Variants in CADM2 observed in about 807,000 individuals in gnomAD.
The protein encoded by CADM2 is cell adhesion molecule 2.
Under a neutral mutation model 49.8 loss-of-function variants are expected in CADM2, and 12 were observed. The ratio of observed to expected loss-of-function variants is 0.24; its 90% CI spans 0.15 to 0.39. The LOEUF is 0.39. Ranked by LOEUF, CADM2 falls within the 10% of genes least tolerant of loss-of-function variation. The pLI, the probability that CADM2 is intolerant of heterozygous loss-of-function variation, is 1.00. For synonymous variants in CADM2, 214 were observed against 175.4 expected (o/e 1.22, Z -1.74); for missense variants, 378 against 492.3 (o/e 0.77, Z 2.20).
intron 1 of CADM2, among the ~76,000 whole-genome samples, chr3:85,389,212 C>T (rs1165424908): frequency 6.6e-6 from 1 of 152,062 alleles, no homozygotes; most frequent in Non-Finnish European, 1.5e-5. Flanking sequence ...TTTGCACCCA[C>T]AATTTTGCTT....
chr3:85,071,600 C>T (rs2036746968), intron 1 of CADM2, among the ~76,000 whole-genome samples: 1 of 151,938 alleles, frequency 6.6e-6, no homozygotes, highest in African/African-American at 2.4e-5. Flanking sequence ...CATAGGTGGT[C>T]TTGAGTTTGT....
At chr3:85,952,184 T>C (rs564081558) in intron 7 of CADM2, among the ~76,000 whole-genome samples, 1 of 150,944 alleles carries the variant, frequency 6.6e-6, no homozygotes, top group East Asian at 2.0e-4. Context: ...ATCAGAGAAC[T>C]GAGAAGTCAA....
chr3:85,632,902 C>G (rs2064355544), intron 1 of CADM2, among the ~76,000 whole-genome samples: 1 of 151,772 alleles, frequency 6.6e-6, no homozygotes, highest in Admixed American at 6.6e-5. Flanking sequence ...AGATTTTATT[C>G]TATTAAATTA....
At chr3:85,067,954 T>G (rs1362322400) in intron 1 of CADM2, among the ~76,000 whole-genome samples, 1 of 152,174 alleles carries the variant, frequency 6.6e-6, no homozygotes, top group African/African-American at 2.4e-5. Context: ...TTGAGAATTG[T>G]GTGGGTTTCC....
At chr3:85,981,814 C>T (rs996736566) in intron 8 of CADM2, among the ~76,000 whole-genome samples, 13 of 151,788 alleles carry the variant, frequency 8.6e-5, no homozygotes, top group Admixed American at 7.2e-4. Flanking sequence ...CTGCAATGAA[C>T]ATATGTGTGC....
At chr3:85,427,433 G>C (rs1224197716) in intron 1 of CADM2, among the ~76,000 whole-genome samples, 1 of 151,714 alleles carries the variant, frequency 6.6e-6, no homozygotes, top group Non-Finnish European at 1.5e-5. Context: ...AAGCGTCTAG[G>C]TTTTAGCTTC....
chr3:85,475,471 G>A (rs950995697), intron 1 of CADM2, among the ~76,000 whole-genome samples: 1 of 151,776 alleles, frequency 6.6e-6, no homozygotes, highest in Non-Finnish European at 1.5e-5. Flanking sequence ...TGTCATTTAT[G>A]GGAATAAATT....
chr3:85,884,829 A>G (rs1713331830), intron 4 of CADM2, among the ~76,000 whole-genome samples: 1 of 149,360 alleles, frequency 6.7e-6, no homozygotes, highest in East Asian at 2.0e-4. Context: ...AGTTCAAGCG[A>G]TTCTCCTGCC....
chr3:85,248,881 A>G (rs1277283288), intron 1 of CADM2, among the ~76,000 whole-genome samples: 2 of 152,164 alleles, frequency 1.3e-5, no homozygotes, highest in Non-Finnish European at 2.9e-5. Flanking sequence ...CTCATCCATG[A>G]TGTTCATTAT....
chr3:85,053,989 CAAAGT>C (rs950557473), intron 1 of CADM2, among the ~76,000 whole-genome samples: 2 of 151,874 alleles, frequency 1.3e-5, no homozygotes, highest in African/African-American at 4.8e-5. Flanking sequence ...GTTAAAAGAG[CAAAGT>C]AATTTCAAAA....
At chr3:85,288,760 G>T (rs766166751) in intron 1 of CADM2, among the ~76,000 whole-genome samples, 1 of 136,448 alleles carries the variant, frequency 7.3e-6, no homozygotes, top group African/African-American at 2.6e-5. Flanking sequence ...TTTTATTTCC[G>T]CCAGTATTCT....
At chr3:85,059,631 G>T (rs2036228538) in intron 1 of CADM2, among the ~76,000 whole-genome samples, 1 of 152,120 alleles carries the variant, frequency 6.6e-6, no homozygotes, top group African/African-American at 2.4e-5. Flanking sequence ...CTATGAGGGT[G>T]AGTCTTTCCT....
intron 2 of CADM2, among the ~76,000 whole-genome samples, chr3:85,734,576 CAT>C (rs980340394): frequency 5.4e-5 from 8 of 149,118 alleles, no homozygotes; most frequent in African/African-American, 1.7e-4. Context: ...TAATTTGACA[CAT>C]ATACACATAC....
At chr3:85,954,681 T>C (rs989361457) in intron 7 of CADM2, among the ~76,000 whole-genome samples, 1 of 151,232 alleles carries the variant, frequency 6.6e-6, no homozygotes, top group African/African-American at 2.4e-5. Flanking sequence ...TTCAGGATTC[T>C]TTTTTCCTGA....
intron 1 of CADM2, among the ~76,000 whole-genome samples, chr3:85,116,884 T>C (rs2107581563): frequency 6.6e-6 from 1 of 152,278 alleles, no homozygotes; most frequent in African/African-American, 2.4e-5. Flanking sequence ...ATACTTTTAG[T>C]AGCAAATAGC....
At chr3:85,612,780 A>G (rs1354823098) in intron 1 of CADM2, among the ~76,000 whole-genome samples, 1 of 151,778 alleles carries the variant, frequency 6.6e-6, no homozygotes, top group Non-Finnish European at 1.5e-5. Context: ...AGGAACAAAA[A>G]TTTTTAAATA....
At chr3:85,980,173 C>A (rs1301419938) in intron 8 of CADM2, among the ~76,000 whole-genome samples, 1 of 151,412 alleles carries the variant, frequency 6.6e-6, no homozygotes, top group African/African-American at 2.4e-5. Context: ...TTTCATGTCA[C>A]CTTGGCTCTA....
intron 1 of CADM2, among the ~76,000 whole-genome samples, chr3:85,539,788 A>G (rs2061501021): frequency 6.6e-6 from 1 of 152,086 alleles, no homozygotes; most frequent in Admixed American, 6.6e-5. Context: ...GCCATTTCTA[A>G]CATAGGGGAA....
chr3:85,741,586 T>A (rs1447862477), intron 2 of CADM2, among the ~76,000 whole-genome samples: 1 of 152,148 alleles, frequency 6.6e-6, no homozygotes, highest in Non-Finnish European at 1.5e-5. Context: ...GAGAATCACT[T>A]GAACCCGGGA....
Sources: allele counts gnomAD v4.1 joint callset (sites outside exome capture counted in the v4.1 genomes callset), GRCh38; gene constraint gnomAD v4.1.1; transcripts MANE v1.5; gene names NCBI Gene and HGNC (gene_info 2026-07-23, HGNC 2026-07-21).